The following LINGO2 variants were observed in gnomAD, a reference collection of about 807,000 sequenced individuals.
LINGO2 encodes the protein leucine rich repeat and Ig domain containing 2.
A neutral mutation model predicts 30.6 loss-of-function variants in LINGO2; 14 were observed. The ratio of observed to expected loss-of-function variants is 0.46; its 90% CI spans 0.30 to 0.72. LINGO2 has a LOEUF of 0.72. LINGO2 is among the 30% of genes least tolerant of loss of function. The pLI is 0.07. For synonymous variants in LINGO2, 317 were observed against 288.5 expected, an observed-to-expected ratio of 1.10 and a Z score of -1.00; for missense variants, 729 against 751.7, an observed-to-expected ratio of 0.97 and a Z score of 0.35.
chr9:28,950,195 C>T, the LINGO2 span, among the ~76,000 whole-genome samples: 6 of 152,122 alleles, frequency 3.9e-5, no homozygotes, highest in Non-Finnish European at 7.4e-5. Flanking sequence ...AAGTCAACAC[C>T]GCTTCATGCT....
At chr9:28,990,037 G>C in the LINGO2 span, among the ~76,000 whole-genome samples, 1 of 152,214 alleles carries the variant, frequency 6.6e-6, no homozygotes, top group African/African-American at 2.4e-5. Flanking sequence ...ACCAGACAGT[G>C]GGCGCAGGAC....
At chr9:28,573,111 T>C (rs530262947) in intron 1 of LINGO2, among the ~76,000 whole-genome samples, 2 of 152,302 alleles carry the variant, frequency 1.3e-5, no homozygotes, top group East Asian at 3.9e-4. Flanking sequence ...CTAACTGGAT[T>C]GATTCTGTTT....
At chr9:28,884,141 A>G in the LINGO2 span, among the ~76,000 whole-genome samples, 1 of 151,804 alleles carries the variant, frequency 6.6e-6, no homozygotes, top group Non-Finnish European at 1.5e-5. Flanking sequence ...AATTAGTTGA[A>G]CAAAGTATAA....
At chr9:28,881,324 C>T in the LINGO2 span, among the ~76,000 whole-genome samples, 1 of 151,884 alleles carries the variant, frequency 6.6e-6, no homozygotes, top group Non-Finnish European at 1.5e-5. Context: ...GGGTTTTACC[C>T]TGTTAGCCAG....
chr9:28,953,020 G>C, the LINGO2 span, among the ~76,000 whole-genome samples: 18 of 151,994 alleles, frequency 1.2e-4, no homozygotes, highest in Admixed American at 1.2e-3. Context: ...ATGTTTACTG[G>C]GTATAGAAAT....
At chr9:28,347,793 C>T (rs1819650072) in intron 3 of LINGO2, among the ~76,000 whole-genome samples, 1 of 152,100 alleles carries the variant, frequency 6.6e-6, no homozygotes, top group African/African-American at 2.4e-5. Flanking sequence ...GGTTGAGAAC[C>T]ACTTAAGTGG....
upstream of LINGO2, among the ~76,000 whole-genome samples, chr9:28,673,712 T>C (rs1829111266): frequency 7.6e-6 from 1 of 131,566 alleles, no homozygotes; most frequent in African/African-American, 2.9e-5. Context: ...TCATAAATAT[T>C]GTTCAGAGGA....
intron 1 of LINGO2, among the ~76,000 whole-genome samples, chr9:28,530,554 T>C (rs1821193687): frequency 6.6e-6 from 1 of 152,156 alleles, no homozygotes; most frequent in Non-Finnish European, 1.5e-5. Context: ...TCTTTCAAAG[T>C]GCACATCCAA....
chr9:28,869,920 A>G, the LINGO2 span, among the ~76,000 whole-genome samples: 1 of 151,958 alleles, frequency 6.6e-6, no homozygotes, highest in African/African-American at 2.4e-5. Context: ...TTACATAAAA[A>G]TGTCTTTAAA....
chr9:28,797,926 C>A, the LINGO2 span, among the ~76,000 whole-genome samples: 1 of 151,868 alleles, frequency 6.6e-6, no homozygotes, highest in African/African-American at 2.4e-5. Context: ...GCCCATGAGG[C>A]AGGAGAAAAA....
intron 4 of LINGO2, among the ~76,000 whole-genome samples, chr9:28,151,414 T>C (rs930968414): frequency 2.0e-5 from 3 of 152,028 alleles, no homozygotes; most frequent in Admixed American, 1.3e-4. Flanking sequence ...CATACACACA[T>C]ATATACAAAT....
At position 28,424,565 on chromosome 9, in the gene LINGO2, G is replaced by T. The variant is rs116340865; in HGVS notation, c.-279+51375C>A. Reference sequence around the variant, plus strand: ...TGACCAGCAGAATCATGAACTAAATGAATGGTAGTTGATTTGAAGTCACAA... The same window carrying T: ...TGACCAGCAGAATCATGAACTAAATTAATGGTAGTTGATTTGAAGTCACAA... On this transcript the variant is annotated intron_variant, in intron 2 of 5. Coordinates refer to ENST00000379992, the Ensembl canonical transcript of LINGO2. Among the ~76,000 whole-genome samples, 320 of 152,252 alleles carry T rather than the reference G, an allele frequency of 2.1e-3. 1 individual carries two copies. Among genetic ancestry groups the T allele is most frequent in the African/African-American group, 7.4e-3 (308 of 41,542 alleles).
At chr9:28,600,170 G>T (rs1027276469) in intron 1 of LINGO2, among the ~76,000 whole-genome samples, 2 of 152,178 alleles carry the variant, frequency 1.3e-5, no homozygotes, top group African/African-American at 2.4e-5. Context: ...ATGGAATGAA[G>T]AATCAGTTTA....
chr9:27,980,700 T>A (rs1388129873), intron 5 of LINGO2, among the ~76,000 whole-genome samples: 1 of 151,912 alleles, frequency 6.6e-6, no homozygotes, highest in Non-Finnish European at 1.5e-5. Context: ...CTTGACCTTG[T>A]CATGCACATG....
chr9:28,510,810 G>A (rs1245789431), intron 1 of LINGO2, among the ~76,000 whole-genome samples: 2 of 151,832 alleles, frequency 1.3e-5, no homozygotes, highest in Non-Finnish European at 2.9e-5. Flanking sequence ...AGTTTATTAA[G>A]TATTAACTTA....
chr9:28,039,736 A>G (rs1166376943), intron 4 of LINGO2, among the ~76,000 whole-genome samples: 1 of 152,150 alleles, frequency 6.6e-6, no homozygotes, highest in African/African-American at 2.4e-5. Context: ...TCATTTCATC[A>G]GGCACAAAAG....
chr9:29,124,662 G>T, the LINGO2 span, among the ~76,000 whole-genome samples: 1 of 152,150 alleles, frequency 6.6e-6, no homozygotes, highest in African/African-American at 2.4e-5. Context: ...ATGAAAAAAA[G>T]TTCAATATCA....
At chr9:28,390,160 C>T (rs1384694129) in intron 2 of LINGO2, among the ~76,000 whole-genome samples, 1 of 152,146 alleles carries the variant, frequency 6.6e-6, no homozygotes, top group Non-Finnish European at 1.5e-5. Context: ...CTGTATCCTA[C>T]CTCAGCTCAT....
intron 4 of LINGO2, among the ~76,000 whole-genome samples, chr9:28,110,563 C>T (rs943594956): frequency 1.3e-5 from 2 of 151,270 alleles, no homozygotes; most frequent in Non-Finnish European, 3.0e-5. Context: ...ATAAAACCAT[C>T]GAAAAGTGGG....
Sources: gnomAD v4.1 joint callset for allele counts (sites outside exome capture counted in the v4.1 genomes callset) on GRCh38, gnomAD v4.1.1 for gene constraint, MANE v1.5 for transcripts, NCBI Gene and HGNC (gene_info 2026-07-23, HGNC 2026-07-21) for gene names.